DPH6: variants seen among roughly 807,000 people sequenced by gnomAD.
The protein encoded by DPH6 is diphthine--ammonia ligase.
A neutral mutation model predicts 38.2 loss-of-function variants in DPH6; 33 were observed. The observed-to-expected ratio is 0.86, with a 90% CI of 0.65 to 1.15. The LOEUF (loss-of-function observed/expected upper bound fraction) is 1.15. Ranked by LOEUF, DPH6 falls within the 50% of genes most tolerant of loss-of-function variation. The pLI is 0.00. For missense variants in DPH6, 325 were observed against 320.0 expected (o/e 1.02, Z -0.12); for synonymous variants, 108 against 103.0 (o/e 1.05, Z -0.30).
chr15:35,237,958 C>G, intron 3 of DPH6: 1 of 1,419,958 alleles, frequency 7.0e-7, no homozygotes. Flanking sequence ...AAGGTTATAA[C>G]GATGGAGAGG....
At chr15:35,296,679 G>A (rs1447096913) in intron 3 of DPH6, among the ~76,000 whole-genome samples, 1 of 152,144 alleles carries the variant, frequency 6.6e-6, no homozygotes, top group Admixed American at 6.5e-5. Context: ...TTACATTTAT[G>A]ATGATAAATT....
chr15:35,200,539 T>G, the DPH6 span, among the ~76,000 whole-genome samples: 2 of 152,076 alleles, frequency 1.3e-5, no homozygotes, highest in African/African-American at 4.8e-5. Context: ...ATTTCTTTAG[T>G]CAAATATTTA....
chr15:35,484,397 T>C (rs993615052), intron 3 of DPH6, among the ~76,000 whole-genome samples: 1 of 152,234 alleles, frequency 6.6e-6, no homozygotes, highest in Non-Finnish European at 1.5e-5. Flanking sequence ...CTCATGAAGT[T>C]GCAGTCATGC....
intron 5 of DPH6, among the ~76,000 whole-genome samples, chr15:35,425,107 C>T (rs1248555227): frequency 6.6e-6 from 1 of 151,626 alleles, no homozygotes; most frequent in East Asian, 1.9e-4. Context: ...TAAGACAATT[C>T]ACTGGAGGAC....
intron 3 of DPH6, among the ~76,000 whole-genome samples, chr15:35,349,387 A>G (rs1248737181): frequency 1.3e-5 from 2 of 152,128 alleles, no homozygotes; most frequent in African/African-American, 4.8e-5. Context: ...CATTTTGTCA[A>G]ATGCCTTCCT....
rs111849162 is a variant in DPH6 at position 35,347,004 on chromosome 15, G to A, written n.208-15927C>T. ...TGTTACCCTCCCCTCTCAGGTATCTGGTTATAGCATAAAATTTACAATCTT... is the reference window on the plus strand; with the variant it reads ...TGTTACCCTCCCCTCTCAGGTATCTAGTTATAGCATAAAATTTACAATCTT... On this transcript the variant is annotated intron_variant and non_coding_transcript_variant, in intron 3 of 3. Transcript: ENST00000558973. Among the ~76,000 whole-genome samples, 514 of 152,022 alleles carry A rather than the reference G, an allele frequency of 3.4e-3. 2 individuals carry two copies. The highest frequency in any genetic ancestry group is 0.011 in the African/African-American group (475 of 41,502).
Position 35,252,441 on chromosome 15 carries a change from CAG to C in DPH6, n.201-31861_201-31860del, listed in dbSNP as rs369683337. Among the ~76,000 whole-genome samples the C allele has an allele frequency of 1.1e-3, 167 of 152,318 alleles. 1 individual carries two copies. Among genetic ancestry groups the C allele is most frequent in the African/African-American group, 3.8e-3 (159 of 41,582 alleles). On this transcript the variant is annotated intron_variant and non_coding_transcript_variant, in intron 3 of 3. Coordinates refer to the DPH6 transcript ENST00000560386. The stretch of plus-strand genomic sequence containing the variant: ...AAGTTTCATTACTGCAGGACTTTCT[CAG>C]AGTCATTAAACAAGCATTGTGACAA...
At position 35,248,550 on chromosome 15, in the gene DPH6, C is replaced by T. The variant is rs554019538; in HGVS notation, n.201-27968G>A. Among the ~76,000 whole-genome samples, 153 of 152,314 alleles carry T rather than the reference C, an allele frequency of 1.0e-3. 1 individual carries two copies. Among genetic ancestry groups the T allele is most frequent in the African/African-American group, 3.5e-3 (144 of 41,572 alleles). ...ATTTTTGTCCAATCACATCTCTACA[C>T]GCTCTTCTTGCTTCATCAGATCTAA... On this transcript the variant is annotated intron_variant and non_coding_transcript_variant, in intron 3 of 3. Transcript: ENST00000560386.
intron 6 of DPH6, chr15:35,401,456 G>A (rs1283768388): frequency 1.3e-6 from 1 of 774,196 alleles, no homozygotes; most frequent in Non-Finnish European, 2.4e-6. Context: ...GGCTATGGAA[G>A]TGGTGGACAG....
intron 3 of DPH6, among the ~76,000 whole-genome samples, chr15:35,231,727 C>A (rs187834877): frequency 5.3e-5 from 8 of 152,224 alleles, no homozygotes; most frequent in Admixed American, 1.3e-4. Context: ...AAGCATGGTG[C>A]CAGCATCGGC....
In DPH6 at chr15:35,352,328, G is replaced by A. The variant is rs553891644; in HGVS notation, n.207+21193C>T. Among the ~76,000 whole-genome samples, 305 of 151,300 alleles carry A rather than the reference G, an allele frequency of 2.0e-3. 1 individual carries two copies. The highest frequency in any genetic ancestry group is 7.3e-3 in the African/African-American group (296 of 40,788). On this transcript the variant is annotated intron_variant and non_coding_transcript_variant, in intron 3 of 3. Transcript: ENST00000558973. Reference sequence around the variant, plus strand: ...AAGTTTTAGGGTACATGTGCACAACGTGCAGGTTTGTTACATATGTATACA... The same window carrying A: ...AAGTTTTAGGGTACATGTGCACAACATGCAGGTTTGTTACATATGTATACA...
the DPH6 span, among the ~76,000 whole-genome samples, chr15:35,162,865 A>C: frequency 6.6e-6 from 1 of 151,884 alleles, no homozygotes; most frequent in Non-Finnish European, 1.5e-5. Flanking sequence ...AAGGTCTAAA[A>C]TCTGATTTCA....
At chr15:35,486,147 A>G (rs113268339) in intron 3 of DPH6, among the ~76,000 whole-genome samples, 3,136 of 152,272 alleles carry the variant, frequency 0.021, 117 homozygotes, top group African/African-American at 0.073. Flanking sequence ...GCAAAGGAGA[A>G]GCAGGCAGGA....
intron 3 of DPH6, among the ~76,000 whole-genome samples, chr15:35,356,116 C>A (rs921584296): frequency 6.6e-6 from 1 of 152,130 alleles, no homozygotes; most frequent in Non-Finnish European, 1.5e-5. Flanking sequence ...GTTCTCGTGC[C>A]GTAGTTTTCA....
At chr15:35,172,601 C>A in the DPH6 span, among the ~76,000 whole-genome samples, 2 of 152,208 alleles carry the variant, frequency 1.3e-5, no homozygotes, top group South Asian at 2.1e-4. Context: ...TGGCGCCATT[C>A]TTTTCATTGA....
intron 3 of DPH6, among the ~76,000 whole-genome samples, chr15:35,245,396 G>A: frequency 6.6e-6 from 1 of 151,896 alleles, no homozygotes; most frequent in Non-Finnish European, 1.5e-5. Flanking sequence ...CCGCCACCAT[G>A]CCCGGATAAT....
At chr15:35,382,809 G>A (rs536214743) in intron 6 of DPH6, among the ~76,000 whole-genome samples, 1 of 151,684 alleles carries the variant, frequency 6.6e-6, no homozygotes, top group East Asian at 1.9e-4. Flanking sequence ...AAGAAAGGTT[G>A]GGTAACTTAC....
At chr15:35,417,397 T>A (rs2053450116) in intron 5 of DPH6, among the ~76,000 whole-genome samples, 1 of 152,108 alleles carries the variant, frequency 6.6e-6, no homozygotes, top group African/African-American at 2.4e-5. Flanking sequence ...ACACAAAGAT[T>A]TCTGAATGAT....
the DPH6 span, among the ~76,000 whole-genome samples, chr15:35,211,401 A>T: frequency 6.6e-6 from 1 of 152,222 alleles, no homozygotes; most frequent in Non-Finnish European, 1.5e-5. Context: ...CTGTCCTCAT[A>T]ACTGTCTGTA....
Sources: allele counts gnomAD v4.1 joint callset (sites outside exome capture counted in the v4.1 genomes callset), GRCh38; gene constraint gnomAD v4.1.1; transcripts MANE v1.5; gene names NCBI Gene and HGNC (gene_info 2026-07-23, HGNC 2026-07-21).